The following WWOX variants were observed in gnomAD, a reference collection of about 807,000 sequenced individuals.
WWOX encodes the protein WW domain containing oxidoreductase, also known as WW domain-containing oxidoreductase.
In WWOX, 69 loss-of-function variants were observed where a neutral mutation model predicts 46.2. The ratio of observed to expected loss-of-function variants is 1.49; its 90% confidence interval spans 1.23 to 1.82. WWOX has a LOEUF of 1.82. Among genes scored for constraint, WWOX ranks in the 40% most tolerant of loss-of-function variants. The pLI is 0.00. For synonymous variants in WWOX, 359 were observed against 202.6 expected, an observed-to-expected ratio of 1.77 and a Z score of -6.56; for missense variants, 919 against 542.6, an observed-to-expected ratio of 1.69 and a Z score of -6.89.
intron 8 of WWOX, among the ~76,000 whole-genome samples, chr16:79,045,779 C>CTTTTTTTTTT (rs1491206524): frequency 1.8e-5 from 1 of 55,672 alleles, no homozygotes; most frequent in African/African-American, 4.9e-5. Context: ...TTTTTCTTTT[C>CTTTTTTTTTT]CTTTTTTTTT....
At chr16:78,938,451 C>G (rs1321665270) in intron 8 of WWOX, among the ~76,000 whole-genome samples, 1 of 151,612 alleles carries the variant, frequency 6.6e-6, no homozygotes, top group African/African-American at 2.4e-5. Context: ...GTGAAACCCT[C>G]AAAGGCAAGG....
intron 8 of WWOX, among the ~76,000 whole-genome samples, chr16:78,743,643 TG>T: frequency 6.6e-6 from 1 of 152,280 alleles, no homozygotes; most frequent in South Asian, 2.1e-4. Context: ...GAGTTGCAGA[TG>T]GAAAATTGAA....
intron 8 of WWOX, among the ~76,000 whole-genome samples, chr16:79,165,648 T>TA: frequency 6.6e-6 from 1 of 152,278 alleles, no homozygotes; most frequent in Non-Finnish European, 1.5e-5. Flanking sequence ...AGATTCTGCC[T>TA]ACAGCTGGTT....
chr16:79,022,417 C>A (rs1228530334), intron 8 of WWOX, among the ~76,000 whole-genome samples: 2 of 150,918 alleles, frequency 1.3e-5, no homozygotes, highest in Non-Finnish European at 2.9e-5. Flanking sequence ...CTTGGACATG[C>A]CCCAGTCGCT....
intron 8 of WWOX, among the ~76,000 whole-genome samples, chr16:78,642,373 GCTGA>G (rs2046740348): frequency 6.6e-6 from 1 of 152,170 alleles, no homozygotes; most frequent in African/African-American, 2.4e-5. Context: ...GTCCCTTTAT[GCTGA>G]CTTTCCTTTT....
At chr16:78,688,710 C>T (rs1285724196) in intron 8 of WWOX, among the ~76,000 whole-genome samples, 1 of 152,080 alleles carries the variant, frequency 6.6e-6, no homozygotes, top group Non-Finnish European at 1.5e-5. Context: ...AGGGAGAGTG[C>T]TCCTGGCATC....
At chr16:78,129,971 T>C (rs1392710288) in intron 4 of WWOX, 2 of 152,112 alleles carry the variant, frequency 1.3e-5, no homozygotes, top group Admixed American at 1.3e-4. Flanking sequence ...GATAATTGAA[T>C]CATGCTGTTC....
intron 8 of WWOX, among the ~76,000 whole-genome samples, chr16:78,885,334 G>A (rs2044432574): frequency 6.6e-6 from 1 of 151,794 alleles, no homozygotes; most frequent in Non-Finnish European, 1.5e-5. Flanking sequence ...CATTTGGTCA[G>A]TATAAAATCT....
chr16:79,025,768 C>G (rs1439969767), intron 8 of WWOX, among the ~76,000 whole-genome samples: 1 of 148,852 alleles, frequency 6.7e-6, no homozygotes, highest in South Asian at 2.1e-4. Context: ...TTCATCTCCC[C>G]TGTTGCCGTT....
At chr16:78,446,790 G>C (rs4587989) in intron 8 of WWOX, among the ~76,000 whole-genome samples, 1 of 149,468 alleles carries the variant, frequency 6.7e-6, no homozygotes, top group Non-Finnish European at 1.5e-5. Context: ...CCTCCTCAGT[G>C]GCTGGGATTA....
chr16:79,193,086 C>T (rs1792270198), intron 8 of WWOX, among the ~76,000 whole-genome samples: 1 of 152,214 alleles, frequency 6.6e-6, no homozygotes, highest in African/African-American at 2.4e-5. Context: ...CCTCTGTGAT[C>T]CCAGGGGCAA....
chr16:78,340,724 G>A (rs1297589671), intron 5 of WWOX, among the ~76,000 whole-genome samples: 1 of 118,430 alleles, frequency 8.4e-6, no homozygotes, highest in South Asian at 2.5e-4. Flanking sequence ...TCCCACAGAA[G>A]GATCTTCTTA....
intron 8 of WWOX, among the ~76,000 whole-genome samples, chr16:79,049,963 A>G (rs2048136012): frequency 6.6e-6 from 1 of 152,154 alleles, no homozygotes; most frequent in South Asian, 2.1e-4. Context: ...GGGCAAGAAA[A>G]AAACATGTCA....
chr16:78,379,429 C>G (rs764969108), intron 5 of WWOX, among the ~76,000 whole-genome samples: 1 of 152,172 alleles, frequency 6.6e-6, no homozygotes, highest in African/African-American at 2.4e-5. Flanking sequence ...ACACAGCCAT[C>G]TAGTGTACCT....
intron 8 of WWOX, among the ~76,000 whole-genome samples, chr16:78,651,038 C>A (rs139845187): frequency 3.9e-5 from 6 of 152,328 alleles, no homozygotes; most frequent in African/African-American, 1.4e-4. Flanking sequence ...TTGATAGCTC[C>A]TTGACTGCTG....
chr16:78,955,732 C>T (rs911708679), intron 8 of WWOX, among the ~76,000 whole-genome samples: 2 of 151,390 alleles, frequency 1.3e-5, no homozygotes, highest in Admixed American at 6.6e-5. Context: ...ATGGCAGCCT[C>T]AGCCTCCTAA....
At chr16:78,992,508 C>T (rs1016698330) in intron 8 of WWOX, among the ~76,000 whole-genome samples, 3 of 152,080 alleles carry the variant, frequency 2.0e-5, no homozygotes, top group Admixed American at 2.0e-4. Context: ...CTCCAGTGAG[C>T]TCATTTTACG....
intron 8 of WWOX, among the ~76,000 whole-genome samples, chr16:78,478,579 C>A (rs956917224): frequency 1.0e-5 from 1 of 95,392 alleles, no homozygotes; most frequent in East Asian, 2.2e-4. Flanking sequence ...GCTGTTGCAC[C>A]CCCCACCCCA....
At chr16:78,339,331 T>A (rs73576471) in intron 5 of WWOX, among the ~76,000 whole-genome samples, 1,793 of 112,488 alleles carry the variant, frequency 0.016, 378 homozygotes, top group African/African-American at 0.052. Flanking sequence ...CCTCAAACTT[T>A]CATGTGATTG....
Sources: allele counts gnomAD v4.1 joint callset (sites outside exome capture counted in the v4.1 genomes callset), GRCh38; gene constraint gnomAD v4.1.1; transcripts MANE v1.5; gene names NCBI Gene and HGNC (gene_info 2026-07-23, HGNC 2026-07-21).